The following TFEC variants were observed in gnomAD, a reference collection of about 807,000 sequenced individuals.
The protein encoded by TFEC is class E basic helix-loop-helix protein 34.
Under a neutral mutation model 41.6 loss-of-function variants are expected in TFEC, and 31 were observed. The ratio of observed to expected loss-of-function variants is 0.74; its 90% CI spans 0.56 to 1.01. The LOEUF is 1.01. Among genes scored for constraint, TFEC ranks in the 50% least tolerant of loss-of-function variants. The probability of loss-of-function intolerance (pLI) is 0.00; values close to 1 mark genes in which losing one functional copy is unlikely to be tolerated. For synonymous variants in TFEC, 143 were observed against 140.6 expected (o/e 1.02, Z -0.12); for missense variants, 402 against 404.1 (o/e 0.99, Z 0.04).
chr7:116,112,737 C>A (rs1182740982), intron 1 of TFEC, among the ~76,000 whole-genome samples: 1 of 151,784 alleles, frequency 6.6e-6, no homozygotes, highest in Non-Finnish European at 1.5e-5. Context: ...TATAAAACAA[C>A]CATTAAAACA....
intron 1 of TFEC, among the ~76,000 whole-genome samples, chr7:116,127,427 T>C (rs1264067450): frequency 6.6e-6 from 1 of 152,196 alleles, no homozygotes; most frequent in East Asian, 1.9e-4. Context: ...TGTCGTTTAG[T>C]TGATGAGAAT....
intron 5 of TFEC, among the ~76,000 whole-genome samples, chr7:115,952,865 C>G (rs1792020127): frequency 6.6e-6 from 1 of 152,062 alleles, no homozygotes; most frequent in Admixed American, 6.6e-5. Context: ...CTGGCCATGC[C>G]TCTCTCCACT....
chr7:116,083,306 T>C (rs1467836231), intron 3 of TFEC, among the ~76,000 whole-genome samples: 1 of 151,742 alleles, frequency 6.6e-6, no homozygotes, highest in African/African-American at 2.4e-5. Context: ...AAATAAAATT[T>C]ACCATGCCTT....
At chr7:116,070,051 G>A (rs531233829) in intron 3 of TFEC, among the ~76,000 whole-genome samples, 1 of 151,238 alleles carries the variant, frequency 6.6e-6, no homozygotes, top group South Asian at 2.1e-4. Flanking sequence ...TACTTAATAT[G>A]TACATATTTA....
chr7:115,954,459 G>T, intron 5 of TFEC, 127 bp downstream of exon 5: 2 of 586,746 alleles, frequency 3.4e-6, no homozygotes, highest in Non-Finnish European at 2.8e-6. Flanking sequence ...AATAAATCAA[G>T]TTATATGTGC....
chr7:116,075,229 A>T (rs1460584900), intron 3 of TFEC, among the ~76,000 whole-genome samples: 1 of 152,156 alleles, frequency 6.6e-6, no homozygotes, highest in Non-Finnish European at 1.5e-5. Flanking sequence ...CTATTTTTTT[A>T]AAAGTCCATC....
At chr7:116,088,561 AT>A (rs1797252650) in intron 3 of TFEC, among the ~76,000 whole-genome samples, 1 of 152,102 alleles carries the variant, frequency 6.6e-6, no homozygotes, top group Admixed American at 6.6e-5. Context: ...TAAAAAACCT[AT>A]TTAAAAAGCA....
chr7:116,143,837 G>T (rs1181990695), intron 1 of TFEC, among the ~76,000 whole-genome samples: 1 of 152,180 alleles, frequency 6.6e-6, no homozygotes, highest in East Asian at 1.9e-4. Flanking sequence ...TCACAGAAGA[G>T]ACTAGAGATG....
At chr7:116,042,601 CT>C (rs1430826218) in intron 3 of TFEC, among the ~76,000 whole-genome samples, 2 of 152,126 alleles carry the variant, frequency 1.3e-5, no homozygotes, top group Non-Finnish European at 2.9e-5. Flanking sequence ...TCTGTAATGA[CT>C]TTTTATTAAC....
rs565300895 is a variant in TFEC at position 116,158,479 on chromosome 7, A to G, written c.-69+1311T>C. On this transcript the variant is annotated intron_variant, in intron 1 of 8. Coordinates refer to the TFEC transcript ENST00000484212. ...TTACGTAATTTAAGCAACTAACTAT[A>G]TATCTAGCCAAATTTAACGAGCTCA... Among the ~76,000 whole-genome samples, 5 of 152,228 alleles carry G rather than the reference A, an allele frequency of 3.3e-5. No homozygotes were observed. In the South Asian group the frequency reaches 1.0e-3, roughly 32 times the overall value.
chr7:116,129,037 A>C (rs1448952405), intron 1 of TFEC, among the ~76,000 whole-genome samples: 1 of 151,982 alleles, frequency 6.6e-6, no homozygotes, highest in Non-Finnish European at 1.5e-5. Flanking sequence ...AAGTCCAGAC[A>C]TGTACTGTTT....
chr7:115,943,840 T>C (rs1466096099), intron 6 of TFEC, among the ~76,000 whole-genome samples: 2 of 151,292 alleles, frequency 1.3e-5, no homozygotes, highest in African/African-American at 4.8e-5. Context: ...GCATTTACAG[T>C]CAGAGCAGAT....
intron 1 of TFEC, among the ~76,000 whole-genome samples, chr7:116,115,415 T>G (rs926713569): frequency 1.3e-5 from 2 of 152,010 alleles, no homozygotes; most frequent in Non-Finnish European, 2.9e-5. Flanking sequence ...GGAGGCTTTA[T>G]GGGATAATCC....
intron 3 of TFEC, among the ~76,000 whole-genome samples, chr7:116,054,933 T>C (rs952042105): frequency 2.0e-5 from 3 of 152,126 alleles, no homozygotes; most frequent in Non-Finnish European, 2.9e-5. Context: ...GTTGGCTAAA[T>C]TAGAGTAACT....
chr7:116,122,176 T>C, intron 1 of TFEC, among the ~76,000 whole-genome samples: 1 of 152,106 alleles, frequency 6.6e-6, no homozygotes, highest in East Asian at 1.9e-4. Flanking sequence ...ATAAGACCCC[T>C]GTTTGCACTT....
chr7:116,017,395 T>C (rs921408895), intron 1 of TFEC, among the ~76,000 whole-genome samples: 1 of 152,118 alleles, frequency 6.6e-6, no homozygotes, highest in Non-Finnish European at 1.5e-5. Flanking sequence ...GGCTAATTTT[T>C]GTATTTTTCG....
At chr7:116,090,500 ACC>A (rs1215496842) in intron 3 of TFEC, among the ~76,000 whole-genome samples, 2 of 152,004 alleles carry the variant, frequency 1.3e-5, no homozygotes, top group Non-Finnish European at 2.9e-5. Flanking sequence ...GACGCCAAGA[ACC>A]CGGACACCCT....
At chr7:115,995,408 T>C (rs1220967358) in intron 1 of TFEC, among the ~76,000 whole-genome samples, 7 of 152,124 alleles carry the variant, frequency 4.6e-5, no homozygotes, top group Admixed American at 3.9e-4. Context: ...TACACACATA[T>C]ATATATGCTT....
chr7:116,060,475 A>G (rs930917646), intron 3 of TFEC, among the ~76,000 whole-genome samples: 1 of 152,134 alleles, frequency 6.6e-6, no homozygotes, highest in African/African-American at 2.4e-5. Flanking sequence ...ATGCCCATCA[A>G]TGACAGGTGG....
Sources: gnomAD v4.1 joint callset for allele counts (sites outside exome capture counted in the v4.1 genomes callset) on GRCh38, gnomAD v4.1.1 for gene constraint, MANE v1.5 for transcripts, NCBI Gene and HGNC (gene_info 2026-07-23, HGNC 2026-07-21) for gene names.